Variants in TECRL observed in about 807,000 individuals in gnomAD.
TECRL encodes trans-2,3-enoyl-CoA reductase like, also known as trans-2,3-enoyl-CoA reductase-like.
TECRL carries 63 observed loss-of-function variants against 52.8 expected under a neutral mutation model. The ratio of observed to expected loss-of-function variants is 1.19; its 90% CI spans 0.97 to 1.47. TECRL has a LOEUF of 1.47. Ranked by LOEUF, TECRL falls within the 40% of genes most tolerant of loss-of-function variation. The probability of loss-of-function intolerance (pLI) is 0.00; values close to 1 mark genes in which losing one functional copy is unlikely to be tolerated. For synonymous variants in TECRL, 164 were observed against 141.9 expected (o/e 1.16, Z -1.10); for missense variants, 482 against 429.6 (o/e 1.12, Z -1.08).
At chr4:64,337,444 A>C (rs1401199417) in intron 2 of TECRL, among the ~76,000 whole-genome samples, 1 of 152,196 alleles carries the variant, frequency 6.6e-6, no homozygotes, top group Non-Finnish European at 1.5e-5. Flanking sequence ...AGGCAGGAGA[A>C]AGAAATAAAG....
intron 3 of TECRL, among the ~76,000 whole-genome samples, chr4:64,323,567 G>C (rs546836729): frequency 1.3e-5 from 2 of 152,212 alleles, no homozygotes; most frequent in African/African-American, 4.8e-5. Context: ...ATATATTCTG[G>C]ATGCTGTGTG....
chr4:64,360,717 T>C (rs1224839841), intron 2 of TECRL, among the ~76,000 whole-genome samples: 1 of 152,034 alleles, frequency 6.6e-6, no homozygotes, highest in Non-Finnish European at 1.5e-5. Context: ...TGGCCAAGCA[T>C]TGGGACTCAT....
At chr4:64,282,211 T>C (rs878977886) in intron 9 of TECRL, among the ~76,000 whole-genome samples, 3 of 151,984 alleles carry the variant, frequency 2.0e-5, no homozygotes, top group Admixed American at 1.3e-4. Flanking sequence ...CCCCTTTCAC[T>C]TGTTTTTAAG....
chr4:64,302,448 A>G (rs1190598207), intron 7 of TECRL, among the ~76,000 whole-genome samples: 1 of 151,388 alleles, frequency 6.6e-6, no homozygotes, highest in Non-Finnish European at 1.5e-5. Context: ...ACCAGAGAAA[A>G]TAATAATCAT....
chr4:64,320,490 G>A (rs1375845815), intron 4 of TECRL, among the ~76,000 whole-genome samples: 1 of 151,962 alleles, frequency 6.6e-6, no homozygotes, highest in East Asian at 1.9e-4. Context: ...GATCCATGGG[G>A]TTGATGTAGA....
At chr4:64,336,975 G>C (rs569530270) in intron 2 of TECRL, among the ~76,000 whole-genome samples, 20 of 152,122 alleles carry the variant, frequency 1.3e-4, no homozygotes, top group Middle Eastern at 3.2e-3. Flanking sequence ...TGAGAAGAAT[G>C]TATATTCTGT....
At chr4:64,371,310 A>T (rs566942025) in intron 2 of TECRL, among the ~76,000 whole-genome samples, 8 of 151,246 alleles carry the variant, frequency 5.3e-5, no homozygotes, top group African/African-American at 1.9e-4. Context: ...TTAAATTATA[A>T]TTATAACTAA....
intron 2 of TECRL, among the ~76,000 whole-genome samples, chr4:64,331,216 A>AAT (rs1718616234): frequency 6.6e-6 from 1 of 152,106 alleles, no homozygotes; most frequent in African/African-American, 2.4e-5. Context: ...AAAGATAGAA[A>AAT]ATATATATCC....
intron 2 of TECRL, among the ~76,000 whole-genome samples, chr4:64,372,874 C>T (rs1722076713): frequency 6.6e-6 from 1 of 151,216 alleles, no homozygotes; most frequent in African/African-American, 2.4e-5. Context: ...ACAAATGTGG[C>T]TTTGTAAGTA....
chr4:64,372,587 T>A (rs376298605), intron 2 of TECRL, among the ~76,000 whole-genome samples: 1 of 151,438 alleles, frequency 6.6e-6, no homozygotes, highest in Non-Finnish European at 1.5e-5. Flanking sequence ...CATATTACAG[T>A]AAAAAAAGTT....
chr4:64,304,664 C>G lies in TECRL; in HGVS notation c.730+502G>C, dbSNP rs1388844151. ...AACTTTTTCCTTGAAGATTAAGAAC[C>G]AAGGAATTAGGTTTCATCCAGTGTA... is the stretch of plus-strand genomic sequence containing the variant. On this transcript the variant is annotated intron_variant, in intron 7 of 11. Coordinates refer to ENST00000381210, the MANE Select transcript of TECRL (RefSeq NM_001010874.5). 2.0e-5 allele frequency among the ~76,000 whole-genome samples: 3 copies of G among 151,882 alleles called. No homozygotes were observed. In the East Asian group the frequency reaches 5.8e-4, roughly 29 times the overall value.
At chr4:64,287,285 C>T (rs1723126706) in intron 9 of TECRL, among the ~76,000 whole-genome samples, 1 of 152,062 alleles carries the variant, frequency 6.6e-6, no homozygotes, top group Admixed American at 6.6e-5. Flanking sequence ...TGTGTAATAA[C>T]AAACATATGC....
In TECRL at chr4:64,279,954, C is replaced by T; in HGVS notation, c.*118G>A. Reference sequence around the variant, plus strand: ...GAAATTTTACTATTTTATATTTTTACTCAGTGTATATACTGTTGCTCATGA... The same window carrying T: ...GAAATTTTACTATTTTATATTTTTATTCAGTGTATATACTGTTGCTCATGA... On this transcript the variant is annotated 3_prime_UTR_variant, in exon 12 of 12. Transcript: ENST00000381210. 7.9e-7 allele frequency: 1 copy of T among 1,271,818 alleles called. No homozygotes were observed. The highest frequency in any genetic ancestry group is 2.5e-5 in the South Asian group (1 of 40,778). 78.8% of individuals were successfully genotyped at this position (1,271,818 alleles called of 1,614,324 possible).
intron 2 of TECRL, among the ~76,000 whole-genome samples, chr4:64,336,616 A>C (rs1719104555): frequency 6.6e-6 from 1 of 152,140 alleles, no homozygotes; most frequent in South Asian, 2.1e-4. Flanking sequence ...TCAATTTTAG[A>C]ACTTTCCCGC....
chr4:64,346,297 C>G (rs1401001502), intron 2 of TECRL, among the ~76,000 whole-genome samples: 1 of 152,224 alleles, frequency 6.6e-6, no homozygotes, highest in Non-Finnish European at 1.5e-5. Flanking sequence ...CACAGCCCCA[C>G]TAGGCAGTGC....
chr4:64,292,638 A>T (rs1723455239), intron 8 of TECRL, among the ~76,000 whole-genome samples: 1 of 152,048 alleles, frequency 6.6e-6, no homozygotes, highest in South Asian at 2.1e-4. Context: ...CAAAAAGTTT[A>T]ACCTATCAAA....
intron 2 of TECRL, among the ~76,000 whole-genome samples, chr4:64,342,676 A>T (rs1719670598): frequency 6.6e-6 from 1 of 152,146 alleles, no homozygotes; most frequent in Non-Finnish European, 1.5e-5. Flanking sequence ...TGAAACAAAC[A>T]ATAAAAACAA....
intron 2 of TECRL, among the ~76,000 whole-genome samples, chr4:64,362,176 G>A (rs1214557964): frequency 6.6e-6 from 1 of 152,006 alleles, no homozygotes; most frequent in African/African-American, 2.4e-5. Context: ...TTAAATATGA[G>A]CAAAACCTCA....
intron 2 of TECRL, among the ~76,000 whole-genome samples, chr4:64,370,618 C>T (rs562556714): frequency 1.3e-5 from 2 of 151,828 alleles, no homozygotes; most frequent in East Asian, 1.9e-4. Context: ...GTAATATCAT[C>T]CTAATTTCAT....
Sources: gnomAD v4.1 joint callset for allele counts (sites outside exome capture counted in the v4.1 genomes callset) on GRCh38, gnomAD v4.1.1 for gene constraint, MANE v1.5 for transcripts, NCBI Gene and HGNC (gene_info 2026-07-23, HGNC 2026-07-21) for gene names.